SNX31: variants seen among roughly 807,000 people sequenced by gnomAD.
The protein encoded by SNX31 is sorting nexin 31.
In SNX31, 58 loss-of-function variants were observed where a neutral mutation model predicts 65.4. The ratio of observed to expected loss-of-function variants is 0.89; its 90% confidence interval spans 0.72 to 1.10. SNX31 has a LOEUF of 1.10. SNX31 is among the 50% of genes least tolerant of loss of function. The pLI is 0.00. For synonymous variants in SNX31, 181 were observed against 190.1 expected (o/e 0.95, Z 0.39); for missense variants, 523 against 529.7 (o/e 0.99, Z 0.12).
chr8:100,629,694 G>A lies in SNX31; in HGVS notation c.321+633C>T, dbSNP rs553343713. Among the ~76,000 whole-genome samples, 1 of 152,288 alleles carries A rather than the reference G, an allele frequency of 6.6e-6. No individual in the cohort carries two copies. Among genetic ancestry groups the A allele is most frequent in the South Asian group, 2.1e-4 (1 of 4,828 alleles). On this transcript the variant is annotated intron_variant, in intron 4 of 13. Coordinates refer to ENST00000311812, the MANE Select transcript of SNX31 (RefSeq NM_152628.4). This position sits in a 1 kb window ranked among gnomAD's most constrained non-coding sequence, Gnocchi z 5.1. ...TTTCCAGCCAAGCTCATACATACAG[G>A]CATAACAATGTTTCCTTATGTGTCA...
Position 100,610,859 on chromosome 8 carries a change from A to G in SNX31, c.611+1141T>C, listed in dbSNP as rs778529757. Reference sequence around the variant, plus strand: ...GCATCACAAGGTCAAGGGAATTCTTAGATTTCAAAATACCTTTCTTTAAAA... The same window carrying G: ...GCATCACAAGGTCAAGGGAATTCTTGGATTTCAAAATACCTTTCTTTAAAA... On this transcript the variant is annotated intron_variant, in intron 7 of 13. Transcript: ENST00000311812. This position sits in a 1 kb window ranked among gnomAD's most constrained non-coding sequence, Gnocchi z 4.0. Among the ~76,000 whole-genome samples, 4 of 152,258 alleles carry G rather than the reference A, an allele frequency of 2.6e-5. No individual in the cohort carries two copies. The highest frequency in any genetic ancestry group is 2.4e-5 in the African/African-American group (1 of 41,468).
chr8:100,608,441 A>G, intron 8 of SNX31, 53 bp downstream of exon 8: 5 of 1,575,506 alleles, frequency 3.2e-6, no homozygotes, highest in Non-Finnish European at 4.4e-6. Context: ...AGTGGCTCCA[A>G]GCCAACATGG....
intron 4 of SNX31, among the ~76,000 whole-genome samples, chr8:100,621,100 C>A (rs919743872): frequency 1.3e-5 from 2 of 152,078 alleles, no homozygotes; most frequent in African/African-American, 4.8e-5. Context: ...GCTGAGATTG[C>A]ACCACTGCAC....
Position 100,584,172 on chromosome 8 carries a change from C to A in SNX31, c.1109G>T (p.Ser370Ile). 1 of 1,596,048 alleles carries A rather than the reference C, an allele frequency of 6.3e-7. No homozygotes were observed. Among genetic ancestry groups the A allele is most frequent in the African/African-American group, 1.4e-5 (1 of 73,496 alleles). Reference protein sequence around the residue: ...IYTKQAFLLSSCLKKMISEKM... With the variant: ...IYTKQAFLLSICLKKMISEKM... Reference sequence around the variant, plus strand: ...TTCTGAGATCATCTTTTTCAAGCAGCTACTCAGCAAAAAAGCCTAAGAAAT... The same window carrying A: ...TTCTGAGATCATCTTTTTCAAGCAGATACTCAGCAAAAAAGCCTAAGAAAT... Residue 370 changes from serine (S) to isoleucine (I), a missense_variant, in exon 12 of 14, where the codon AGC (serine) becomes ATC (isoleucine). Coordinates refer to ENST00000311812, the MANE Select transcript of SNX31 (RefSeq NM_152628.4).
chr8:100,601,999 C>G (rs1189552466), intron 8 of SNX31, among the ~76,000 whole-genome samples: 1 of 152,222 alleles, frequency 6.6e-6, no homozygotes, highest in East Asian at 1.9e-4. Flanking sequence ...AGCTGTCCAC[C>G]TCCTCAGCCA....
chr8:100,615,386 C>T lies in SNX31; in HGVS notation c.432+2234G>A, dbSNP rs531777140. Reference sequence around the variant, plus strand: ...ACCAATACCAATAATGATAAATAAACACAACTGCCATTGTCTCGGGAACGT... The same window carrying T: ...ACCAATACCAATAATGATAAATAAATACAACTGCCATTGTCTCGGGAACGT... On this transcript the variant is annotated intron_variant, in intron 5 of 13. Coordinates refer to ENST00000311812, the MANE Select transcript of SNX31 (RefSeq NM_152628.4). Among the ~76,000 whole-genome samples, 4 of 152,286 alleles carry T rather than the reference C, an allele frequency of 2.6e-5. No individual in the cohort carries two copies. In the East Asian group the frequency reaches 5.8e-4, roughly 22 times the overall value.
chr8:100,636,900 T>C (rs905673000), intron 2 of SNX31, among the ~76,000 whole-genome samples: 2 of 152,168 alleles, frequency 1.3e-5, no homozygotes, highest in African/African-American at 2.4e-5. Flanking sequence ...TTTGTATTTT[T>C]AGTAGAGATA....
intron 10 of SNX31, among the ~76,000 whole-genome samples, chr8:100,592,513 ACTG>A (rs1374713956): frequency 6.6e-6 from 1 of 152,228 alleles, no homozygotes; most frequent in Non-Finnish European, 1.5e-5. Context: ...AAAACCCTCC[ACTG>A]CTGCTGGGGA....
intron 10 of SNX31, among the ~76,000 whole-genome samples, chr8:100,595,319 T>A (rs112578019): frequency 1.3e-5 from 2 of 151,650 alleles, no homozygotes; most frequent in African/African-American, 4.8e-5. Context: ...TTGTTGTTTT[T>A]TTTTTTTTTT....
rs1277694907 is a variant in SNX31, at chr8:100,648,498, T to G, written c.141+776A>C. Among the ~76,000 whole-genome samples the G allele has an allele frequency of 6.6e-6, 1 of 152,120 alleles. No individual in the cohort carries two copies. The highest frequency in any genetic ancestry group is 1.5e-5 in the Non-Finnish European group (1 of 68,014). On this transcript the variant is annotated intron_variant, in intron 2 of 13. Transcript: ENST00000311812. The surrounding 1 kb of genome is among the most constrained non-coding windows in gnomAD (Gnocchi z 4.3). ...TTTTTAATGTTAGGTATGTGCTGTT[T>G]ATAACCTAAAATCTAAAACAAAAAA...
At chr8:100,658,818 A>G (rs933048857) in intron 1 of SNX31, among the ~76,000 whole-genome samples, 6 of 152,120 alleles carry the variant, frequency 3.9e-5, no homozygotes, top group African/African-American at 1.4e-4. Context: ...GTTCTTTGCG[A>G]TGAGTCGAGG....
chr8:100,627,194 A>G (rs1377588473), intron 4 of SNX31, among the ~76,000 whole-genome samples: 1 of 152,180 alleles, frequency 6.6e-6, no homozygotes, highest in Non-Finnish European at 1.5e-5. Context: ...TCTACTAAAA[A>G]TACAAAAATT....
chr8:100,584,037 T>C, intron 12 of SNX31, 74 bp downstream of exon 12: 1 of 1,356,600 alleles, frequency 7.4e-7, no homozygotes, highest in Non-Finnish European at 1.0e-6. Flanking sequence ...AGCTCATGAG[T>C]GTAGTTTGGT....
In SNX31 at chr8:100,612,064, C is replaced by T. The variant is rs771586618; in HGVS notation, c.547G>A (p.Glu183Lys). The part of the protein sequence containing the change: ...LSVVKKLADF[E>K]LPYVSLGSSE... ...CTTCCAAGACTAACATAAGGGAGTTCAAAGTCAGCCAATTTTTTCACAACT... is the reference window on the plus strand; with the variant it reads ...CTTCCAAGACTAACATAAGGGAGTTTAAAGTCAGCCAATTTTTTCACAACT... Residue 183 changes from glutamate (E) to lysine (K), a missense_variant, in exon 7 of 14, where the codon GAA (glutamate) becomes AAA (lysine). Physicochemically the swap from Glu to Lys is moderately conservative, Grantham distance 56. Transcript: ENST00000311812. This position sits in a 1 kb window ranked among gnomAD's most constrained non-coding sequence, Gnocchi z 4.3. 1.9e-6 allele frequency: 3 copies of T among 1,614,070 alleles called. No individual in the cohort carries two copies. The highest frequency in any genetic ancestry group is 2.5e-6 in the Non-Finnish European group (3 of 1,179,994).
chr8:100,586,774 G>A (rs1378073273), intron 11 of SNX31, among the ~76,000 whole-genome samples: 1 of 152,150 alleles, frequency 6.6e-6, no homozygotes, highest in Non-Finnish European at 1.5e-5. Flanking sequence ...AAGGGGCCTT[G>A]GTTTCTGAAC....
chr8:100,598,808 T>C (rs527940056), intron 9 of SNX31, among the ~76,000 whole-genome samples: 1 of 152,340 alleles, frequency 6.6e-6, no homozygotes, highest in South Asian at 2.1e-4. Flanking sequence ...AGACATATGG[T>C]CCCTGTTGCA....
intron 11 of SNX31, among the ~76,000 whole-genome samples, chr8:100,585,750 A>T (rs1189703005): frequency 6.6e-6 from 1 of 152,220 alleles, no homozygotes; most frequent in African/African-American, 2.4e-5. Context: ...GAGCAAATGC[A>T]GCTAGGAAGG....
intron 9 of SNX31, among the ~76,000 whole-genome samples, chr8:100,600,146 G>A (rs183935032): frequency 3.4e-4 from 51 of 151,816 alleles, no homozygotes; most frequent in African/African-American, 1.1e-3. Flanking sequence ...ACAATATACC[G>A]TCTGTATTTT....
chr8:100,600,543 G>T, intron 8 of SNX31, 102 bp from the exon 9 acceptor site: 1 of 844,236 alleles, frequency 1.2e-6, no homozygotes, highest in Non-Finnish European at 1.9e-6. Flanking sequence ...AAACCCAAGT[G>T]GATATATATT....
Sources: gnomAD v4.1 joint callset for allele counts (sites outside exome capture counted in the v4.1 genomes callset) on GRCh38, gnomAD v4.1.1 for gene constraint, Gnocchi (gnomAD v3.1) non-coding constraint, MANE v1.5 for transcripts, NCBI Gene and HGNC (gene_info 2026-07-23, HGNC 2026-07-21) for gene names.